Variants in TNK2 observed in about 807,000 individuals in gnomAD.
The protein encoded by TNK2 is activated CDC42 kinase 1.
In TNK2, 83 loss-of-function variants were observed where a neutral mutation model predicts 101.8. That is an observed-to-expected ratio of 0.82 (90% CI 0.68 to 0.98). The LOEUF is 0.98. Among genes scored for constraint, TNK2 ranks in the 50% least tolerant of loss-of-function variants. The pLI, the probability that TNK2 is intolerant of heterozygous loss-of-function variation, is 0.00. For missense variants in TNK2, 1,665 were observed against 1,483.2 expected (o/e 1.12, Z -2.01); for synonymous variants, 804 against 633.0 (o/e 1.27, Z -4.06).
intron 15 of TNK2, 93 bp downstream of exon 15, chr3:195,866,796 G>T: frequency 1.3e-6 from 2 of 1,506,380 alleles, no homozygotes; most frequent in Non-Finnish European, 1.8e-6. Flanking sequence ...GGCCGGGAGC[G>T]GCCTGCGAGG....
In TNK2 at chr3:195,867,999, G is replaced by C. The variant is rs999242860; in HGVS notation, c.2299C>G (p.Pro767Ala). ...RVPIPPRPTRPHVQLSPAPPG... is the reference protein window; with the variant it reads ...RVPIPPRPTRAHVQLSPAPPG... Reference sequence around the variant, plus strand: ...GGGGCTGGAGACAGCTGGACGTGTGGGCGCGTGGGCCGAGGGGGGATGGGT... The same window carrying C: ...GGGGCTGGAGACAGCTGGACGTGTGCGCGCGTGGGCCGAGGGGGGATGGGT... Residue 767 changes from proline (P) to alanine (A), a missense_variant, in exon 13 of 16, where the codon CCA becomes GCA. By Grantham distance (27) the Pro-to-Ala change is conservative. Around this residue, in one of 3 missense-constraint regions of TNK2, gnomAD observed 1,136 missense variants for 894.9 expected, o/e 1.27. Coordinates refer to ENST00000672887, the MANE Select transcript of TNK2 (RefSeq NM_001382273.1). The C allele has an allele frequency of 1.3e-6, 2 of 1,564,850 alleles. No individual in the cohort carries two copies. Among genetic ancestry groups the C allele is most frequent in the Non-Finnish European group, 1.7e-6 (2 of 1,164,322 alleles).
At chr3:195,899,551 C>T (rs1192821976) in intron 1 of TNK2, among the ~76,000 whole-genome samples, 9 of 152,088 alleles carry the variant, frequency 5.9e-5, no homozygotes, top group Non-Finnish European at 1.3e-4. Flanking sequence ...AGGATGGTCT[C>T]GATCTCCTGA....
chr3:195,881,671 G>C (rs1753109240), intron 6 of TNK2, among the ~76,000 whole-genome samples: 1 of 82,216 alleles, frequency 1.2e-5, no homozygotes, highest in Non-Finnish European at 2.2e-5. Flanking sequence ...AGAGGACACA[G>C]CATTTATCCC....
At position 195,882,559 on chromosome 3, in the gene TNK2, T is replaced by C; in HGVS notation, c.610-231A>G. 1.3e-6 allele frequency: 2 copies of C among 1,518,598 alleles called. No individual in the cohort carries two copies. Among genetic ancestry groups the C allele is most frequent in the East Asian group, 2.5e-5 (1 of 39,556 alleles). 94.1% of individuals were successfully genotyped at this position (1,518,598 alleles called of 1,614,324 possible). On this transcript the variant is annotated intron_variant, in intron 5 of 15. Coordinates refer to ENST00000672887, the MANE Select transcript of TNK2 (RefSeq NM_001382273.1). This position sits in a 1 kb window ranked among gnomAD's most constrained non-coding sequence, Gnocchi z 4.2. ...AGAAGGAGCCCAAAGAGGCAGTGGC[T>C]AGAAATTCCAAAACTCAGCTGGACG...
intron 1 of TNK2, among the ~76,000 whole-genome samples, chr3:195,893,768 T>G (rs1202152427): frequency 1.3e-5 from 2 of 152,116 alleles, no homozygotes; most frequent in African/African-American, 4.8e-5. Context: ...CTCTTGTCCC[T>G]GTCCAGCTGG....
At position 195,869,074 on chromosome 3, in the gene TNK2, G is replaced by A. The variant is rs147724137; in HGVS notation, c.1589-365C>T. ...GAGCCCTCATCCCCGCCCCTGTCACGGCACACCATTAGTGCAGGCACGGAG... is the reference window on the plus strand; with the variant it reads ...GAGCCCTCATCCCCGCCCCTGTCACAGCACACCATTAGTGCAGGCACGGAG... On this transcript the variant is annotated intron_variant, in intron 12 of 15. Coordinates refer to ENST00000672887, the MANE Select transcript of TNK2 (RefSeq NM_001382273.1). The A allele has an allele frequency of 1.6e-4, 74 of 460,796 alleles. No individual in the cohort carries two copies. In the South Asian group the frequency reaches 1.7e-3, roughly 11 times the overall value. 28.5% of individuals were successfully genotyped at this position (460,796 alleles called of 1,614,324 possible). A position where few individuals can be genotyped will look rare whatever the true frequency, so the allele number is the denominator to read the frequency against.
chr3:195,877,882 G>A (rs1750308309), intron 9 of TNK2, among the ~76,000 whole-genome samples: 1 of 152,168 alleles, frequency 6.6e-6, no homozygotes, highest in Non-Finnish European at 1.5e-5. Flanking sequence ...CCAGGTGGAT[G>A]GCTGAGTCCC....
Position 195,879,072 on chromosome 3 carries a change from A to G in TNK2, c.991T>C (p.Trp331Arg). ...WEMFTYGQEP[W>R]IGLNGSQILH... Reference sequence around the variant, plus strand: ...ACCTGACTGCCGTTGAGGCCGATCCAGGGCTCCTGGCCGTAGGTGAACATT... The same window carrying G: ...ACCTGACTGCCGTTGAGGCCGATCCGGGGCTCCTGGCCGTAGGTGAACATT... The change falls in exon 7 of 16, where the codon TGG becomes CGG. Residue 331 changes from tryptophan (W) to arginine (R), a missense_variant. Physicochemically the swap from Trp to Arg is moderately radical, Grantham distance 101. Around this residue, in one of 3 missense-constraint regions of TNK2, gnomAD observed 490 missense variants for 522.5 expected, o/e 0.94. Transcript: ENST00000672887. The G allele has an allele frequency of 1.2e-6, 2 of 1,613,752 alleles. No individual in the cohort carries two copies. The highest frequency in any genetic ancestry group is 1.7e-5 in the Admixed American group (1 of 60,004).
chr3:195,882,000 T>C (rs780689318), intron 6 of TNK2, 51 bp downstream of exon 6: 2 of 1,567,604 alleles, frequency 1.3e-6, no homozygotes, highest in African/African-American at 2.7e-5. Flanking sequence ...CCAGAAGCTT[T>C]GAGGCCTGGG....
intron 9 of TNK2, among the ~76,000 whole-genome samples, chr3:195,877,816 G>A (rs1193214354): frequency 6.6e-6 from 1 of 152,046 alleles, no homozygotes; most frequent in African/African-American, 2.4e-5. Flanking sequence ...GGCTCAGCAG[G>A]AAGGATGGAA....
At chr3:195,892,506 C>A in intron 1 of TNK2, 1 of 1,534,718 alleles carries the variant, frequency 6.5e-7, no homozygotes, top group Non-Finnish European at 8.7e-7. Context: ...CAGCGGGACC[C>A]CCCCGAGCAG....
Position 195,882,107 on chromosome 3 carries a change from T to C in TNK2, c.831A>G (p.Leu277=). The change falls in exon 6 of 16, where the codon CTA becomes CTG. Residue 277 remains leucine, a synonymous_variant. Transcript: ENST00000672887. This position sits in a 1 kb window ranked among gnomAD's most constrained non-coding sequence, Gnocchi z 4.2. Reference sequence around the variant, plus strand: ...TGACGTAATGGTCGTCATTCTGAGGTAGTGCTCGCATCAGCCCAAAGTCCC... The same window carrying C: ...TGACGTAATGGTCGTCATTCTGAGGCAGTGCTCGCATCAGCCCAAAGTCCC... ...KIGDFGLMRA[L]PQNDDHYVMQ... 6.2e-7 allele frequency: 1 copy of C among 1,613,710 alleles called. No individual in the cohort carries two copies.
chr3:195,863,940 C>G lies in TNK2; in HGVS notation c.*241G>C. ...AGCCCTCAAGCCTGTCTTCACCCGG[C>G]CCCTTCCACATCTTGGCAGGGGCAC... is the stretch of plus-strand genomic sequence containing the variant. On this transcript the variant is annotated 3_prime_UTR_variant, in exon 16 of 16. Coordinates refer to ENST00000672887, the MANE Select transcript of TNK2 (RefSeq NM_001382273.1). 1 of 527,536 alleles carries G rather than the reference C, an allele frequency of 1.9e-6. No homozygotes were observed. Among genetic ancestry groups the G allele is most frequent in the East Asian group, 3.0e-5 (1 of 33,874 alleles). The allele number at this position is 527,536 out of a possible 1,614,324, so 32.7% of individuals were successfully genotyped here.
At chr3:195,899,492 A>C (rs1316113259) in intron 1 of TNK2, among the ~76,000 whole-genome samples, 1 of 151,920 alleles carries the variant, frequency 6.6e-6, no homozygotes, top group African/African-American at 2.4e-5. Context: ...ACGCCCAGCT[A>C]ATTTTTATAT....
intron 9 of TNK2, among the ~76,000 whole-genome samples, chr3:195,877,931 A>AG (rs1560503854): frequency 6.6e-6 from 1 of 152,142 alleles, no homozygotes; most frequent in African/African-American, 2.4e-5. Context: ...GGGGAGGAGC[A>AG]GAGGAGGAAG....
chr3:195,870,479 A>G, intron 10 of TNK2: 1 of 1,163,310 alleles, frequency 8.6e-7, no homozygotes, highest in Non-Finnish European at 1.1e-6. Context: ...GGTCCTCCAC[A>G]ACCCCCCAGG....
At chr3:195,869,090 A>T in intron 12 of TNK2, 2 of 469,532 alleles carry the variant, frequency 4.3e-6, no homozygotes, top group Non-Finnish European at 7.7e-6. Flanking sequence ...CCATTAGTGC[A>T]GGCACGGAGC....
chr3:195,887,835 CGTGT>C (rs35572141), intron 2 of TNK2, among the ~76,000 whole-genome samples: 31,648 of 145,844 alleles, frequency 0.22, 3,419 homozygotes, highest in Middle Eastern at 0.33. Flanking sequence ...TGCGCACACA[CGTGT>C]GTGTGTGTGT....
Position 195,888,239 on chromosome 3 carries a change from T to C in TNK2, c.163+187A>G, listed in dbSNP as rs1305485774. Among the ~76,000 whole-genome samples the C allele has an allele frequency of 1.3e-5, 2 of 152,100 alleles. No homozygotes were observed. The highest frequency in any genetic ancestry group is 2.9e-5 in the Non-Finnish European group (2 of 68,000). The stretch of plus-strand genomic sequence containing the variant: ...AGCTTTAGGGAAGGCCTCACTCTCC[T>C]CAAACTCCAATTCACCTTTATAACT... On this transcript the variant is annotated intron_variant, in intron 2 of 15. Coordinates refer to ENST00000672887, the MANE Select transcript of TNK2 (RefSeq NM_001382273.1). The surrounding 1 kb of genome is among the most constrained non-coding windows in gnomAD (Gnocchi z 5.3).
Sources: allele counts gnomAD v4.1 joint callset (sites outside exome capture counted in the v4.1 genomes callset), GRCh38; gene constraint gnomAD v4.1.1; regional missense constraint gnomAD v4.1.1; non-coding constraint Gnocchi (gnomAD v3.1); transcripts MANE v1.5; gene names NCBI Gene and HGNC (gene_info 2026-07-23, HGNC 2026-07-21).